UBAP2: variants seen among roughly 807,000 people sequenced by gnomAD.
UBAP2 encodes ubiquitin associated protein 2, also known as ubiquitin-associated protein 2.
A neutral mutation model predicts 139.6 loss-of-function variants in UBAP2; 75 were observed. That is an observed-to-expected ratio of 0.54 (90% confidence interval 0.45 to 0.65). The LOEUF (loss-of-function observed/expected upper bound fraction) is 0.65. UBAP2 is among the 30% of genes least tolerant of loss of function. The probability of loss-of-function intolerance (pLI) is 0.00; values close to 1 mark genes in which losing one functional copy is unlikely to be tolerated. For synonymous variants in UBAP2, 526 were observed against 526.2 expected (o/e 1.00, Z 0.01); for missense variants, 1,368 against 1,369.6 (o/e 1.00, Z 0.02).
intron 2 of UBAP2, among the ~76,000 whole-genome samples, chr9:34,012,671 C>A (rs748833347): frequency 1.2e-4 from 18 of 151,988 alleles, no homozygotes; most frequent in Non-Finnish European, 2.2e-4. Flanking sequence ...TGAAGAAGAA[C>A]CTTATTCACA....
In UBAP2 at chr9:34,009,262, C is replaced by T. The variant is rs544687556; in HGVS notation, c.99+7788G>A. Among the ~76,000 whole-genome samples the T allele has an allele frequency of 1.3e-3, 193 of 151,940 alleles. 2 individuals are homozygous for T. Among genetic ancestry groups the T allele is most frequent in the Admixed American group, 0.011 (166 of 15,200 alleles). On this transcript the variant is annotated intron_variant, in intron 2 of 28. Transcript: ENST00000379238. ...TACAGGTGCACACCACCACGGCCAG[C>T]TAATTTTTCTATTTTTAGTAGAGAT...
At chr9:33,964,632 T>A (rs1354189134) in intron 8 of UBAP2, among the ~76,000 whole-genome samples, 2 of 151,706 alleles carry the variant, frequency 1.3e-5, no homozygotes, top group African/African-American at 4.8e-5. Context: ...CCCAGGAGTT[T>A]GAGGTTGTAG....
upstream of UBAP2, among the ~76,000 whole-genome samples, chr9:34,049,134 G>A (rs997823107): frequency 3.3e-5 from 5 of 152,212 alleles, no homozygotes; most frequent in Admixed American, 2.6e-4. Flanking sequence ...GAGTCATCAG[G>A]AGAGTATTAC....
chr9:33,935,499 T>C, intron 17 of UBAP2: 1 of 300,978 alleles, frequency 3.3e-6, no homozygotes, highest in Admixed American at 5.3e-5. Flanking sequence ...ACTCCTGAGC[T>C]TGGGCAATCT....
At chr9:34,017,722 C>A (rs146851274) in intron 1 of UBAP2, among the ~76,000 whole-genome samples, 1 of 152,122 alleles carries the variant, frequency 6.6e-6, no homozygotes, top group South Asian at 2.1e-4. Context: ...GTCAGGAGAT[C>A]GAGACCATGC....
At chr9:33,998,580 T>C (rs938807203) in intron 3 of UBAP2, 18 of 506,408 alleles carry the variant, frequency 3.6e-5, no homozygotes, top group African/African-American at 2.9e-4. Flanking sequence ...AAGATTATAT[T>C]GTAAGGCAGG....
chr9:34,047,768 C>T (rs1827734179), intron 1 of UBAP2, among the ~76,000 whole-genome samples: 1 of 152,170 alleles, frequency 6.6e-6, no homozygotes, highest in African/African-American at 2.4e-5. Flanking sequence ...TCGCTTAAAC[C>T]CAGGAGCTGG....
chr9:34,009,457 G>A (rs1489235180), intron 2 of UBAP2, among the ~76,000 whole-genome samples: 3 of 151,906 alleles, frequency 2.0e-5, no homozygotes, highest in Non-Finnish European at 2.9e-5. Context: ...ACAGGGTCTC[G>A]CTACTTGGCC....
rs1475867123 is a variant in UBAP2 at position 34,048,863 on chromosome 9, G to T, written c.-80C>A. 2.6e-5 allele frequency: 4 copies of T among 152,396 alleles called. No individual in the cohort carries two copies. Among genetic ancestry groups the T allele is most frequent in the Non-Finnish European group, 4.4e-5 (3 of 68,248 alleles). The allele number at this position is 152,396 out of a possible 1,614,324, so 9.4% of individuals were successfully genotyped here. A position where few individuals can be genotyped will look rare whatever the true frequency, so the allele number is the denominator to read the frequency against. On this transcript the variant is annotated 5_prime_UTR_variant, in exon 1 of 29. Coordinates refer to ENST00000379238, the MANE Select transcript of UBAP2 (RefSeq NM_001370062.2). ...GGAGGACCCAAGACCCGCTGCCGCC[G>T]CCGCCGCTCGTTACCTGCCAATGTG...
At chr9:33,980,477 G>A (rs977190859) in intron 6 of UBAP2, among the ~76,000 whole-genome samples, 5 of 150,958 alleles carry the variant, frequency 3.3e-5, no homozygotes, top group African/African-American at 9.7e-5. Context: ...TCCTGACCTC[G>A]TGATCTGCCC....
chr9:34,016,119 C>T (rs187181534), intron 2 of UBAP2, among the ~76,000 whole-genome samples: 97 of 149,932 alleles, frequency 6.5e-4, no homozygotes, highest in Middle Eastern at 6.8e-3. Context: ...GATGAAGCAG[C>T]AGGGAAGGAG....
At chr9:34,045,735 G>T (rs1424301702) in intron 1 of UBAP2, among the ~76,000 whole-genome samples, 1 of 152,082 alleles carries the variant, frequency 6.6e-6, no homozygotes, top group African/African-American at 2.4e-5. Context: ...AACTCAGCAG[G>T]AAATATCAGC....
intron 11 of UBAP2, among the ~76,000 whole-genome samples, chr9:33,954,506 T>C (rs752828613): frequency 1.3e-5 from 2 of 152,176 alleles, no homozygotes; most frequent in African/African-American, 4.8e-5. Flanking sequence ...CCGTATTACC[T>C]AACCTTGTAA....
At chr9:33,925,933 G>A (rs1823390672) in intron 22 of UBAP2, among the ~76,000 whole-genome samples, 1 of 152,236 alleles carries the variant, frequency 6.6e-6, no homozygotes, top group Non-Finnish European at 1.5e-5. Flanking sequence ...CTGCCCATGG[G>A]CAGGGCAAGG....
chr9:33,922,568 G>C lies in UBAP2; in HGVS notation c.3296C>G (p.Ser1099Cys). The C allele has an allele frequency of 6.2e-7, 1 of 1,613,792 alleles. No individual in the cohort carries two copies. The highest frequency in any genetic ancestry group is 2.2e-5 in the East Asian group (1 of 44,876). The stretch of plus-strand genomic sequence containing the variant: ...GGAGGCTTGAGACTTGGGCTGCAGG[G>C]AGCTGGGCTGGCTGCGCTGACCCGA... ...SGSGQRSQPS[S>C]LQPKSQASKP... is the part of the protein sequence containing the mutation. Residue 1099 changes from serine (S) to cysteine (C), a missense_variant, in exon 29 of 29, where the codon TCC becomes TGC. Transcript: ENST00000379238.
intron 9 of UBAP2, 86 bp from the exon 10 acceptor site, chr9:33,960,964 G>A (rs1028492556): frequency 2.8e-5 from 37 of 1,336,466 alleles, no homozygotes; most frequent in East Asian, 6.9e-5. Flanking sequence ...TGTACTATGC[G>A]GGGAAAAAAG....
At chr9:34,022,557 T>C (rs1564067651) in intron 1 of UBAP2, among the ~76,000 whole-genome samples, 1 of 146,624 alleles carries the variant, frequency 6.8e-6, no homozygotes, top group Non-Finnish European at 1.5e-5. Context: ...CACCTCAGCC[T>C]CCCAAGTAGC....
chr9:33,943,370 A>G, intron 15 of UBAP2, 50 bp downstream of exon 15: 1 of 1,564,458 alleles, frequency 6.4e-7, no homozygotes, highest in Non-Finnish European at 8.7e-7. Flanking sequence ...CCACCAGTTG[A>G]TCTCTCTTAG....
At chr9:34,011,500 C>A (rs1180644437) in intron 2 of UBAP2, 1 of 406,308 alleles carries the variant, frequency 2.5e-6, no homozygotes, top group Admixed American at 6.4e-5. Flanking sequence ...TTAATGAGAA[C>A]TTTAAGTATT....
Sources: allele counts gnomAD v4.1 joint callset (sites outside exome capture counted in the v4.1 genomes callset), GRCh38; gene constraint gnomAD v4.1.1; transcripts MANE v1.5; gene names NCBI Gene and HGNC (gene_info 2026-07-23, HGNC 2026-07-21).